The following RNLS variants were observed in gnomAD, a reference collection of about 807,000 sequenced individuals.
The protein encoded by RNLS is renalase, FAD dependent amine oxidase.
In RNLS, 39 loss-of-function variants were observed where a neutral mutation model predicts 39.8. The observed-to-expected ratio is 0.98, with a 90% CI of 0.76 to 1.28. The LOEUF (loss-of-function observed/expected upper bound fraction) is 1.28, where lower values mean the gene tolerates loss of function less well. RNLS is among the 50% of genes most tolerant of loss of function. The pLI is 0.00. For synonymous variants in RNLS, 147 were observed against 150.7 expected, an observed-to-expected ratio of 0.98 and a Z score of 0.18; for missense variants, 410 against 413.3, an observed-to-expected ratio of 0.99 and a Z score of 0.07.
chr10:88,246,070 C>G, the RNLS span, among the ~76,000 whole-genome samples: 1 of 152,194 alleles, frequency 6.6e-6, no homozygotes. Context: ...GAGCTAATAG[C>G]GTGCCTCTGT....
At chr10:88,171,815 G>A in the RNLS span, among the ~76,000 whole-genome samples, 1 of 152,080 alleles carries the variant, frequency 6.6e-6, no homozygotes, top group Non-Finnish European at 1.5e-5. Context: ...TTTCATGTCT[G>A]TTAACCAGCT....
Position 88,344,040 on chromosome 10 carries a change from C to T in RNLS, c.700+18512G>A, listed in dbSNP as rs148310680. Among the ~76,000 whole-genome samples, 1,256 of 152,178 alleles carry T rather than the reference C, an allele frequency of 8.3e-3. 19 individuals are homozygous for T. Among genetic ancestry groups the T allele is most frequent in the South Asian group, 0.03 (143 of 4,820 alleles). On this transcript the variant is annotated intron_variant, in intron 5 of 6. Transcript: ENST00000331772. ...CCTTATTATACATTGTTATTTTGGCCTACTCAGCATTATGCCCTCTATGAA... is the reference window on the plus strand; with the variant it reads ...CCTTATTATACATTGTTATTTTGGCTTACTCAGCATTATGCCCTCTATGAA...
At chr10:88,177,060 A>G in the RNLS span, among the ~76,000 whole-genome samples, 1 of 152,152 alleles carries the variant, frequency 6.6e-6, no homozygotes, top group African/African-American at 2.4e-5. Flanking sequence ...TGTCTCAGAG[A>G]GGTCCTTTGT....
chr10:88,420,435 GA>G (rs1854336174), intron 4 of RNLS, among the ~76,000 whole-genome samples: 1 of 152,198 alleles, frequency 6.6e-6, no homozygotes, highest in Non-Finnish European at 1.5e-5. Context: ...TTGGAAGCCA[GA>G]AGTCCAAACT....
chr10:88,580,064 G>T (rs1189427839), intron 3 of RNLS, among the ~76,000 whole-genome samples: 8 of 152,120 alleles, frequency 5.3e-5, no homozygotes, highest in Non-Finnish European at 2.9e-5. Flanking sequence ...CCTGAGTCTT[G>T]AGCCTGCCAG....
At chr10:88,455,149 C>G (rs987025456) in intron 4 of RNLS, among the ~76,000 whole-genome samples, 6 of 152,002 alleles carry the variant, frequency 3.9e-5, no homozygotes, top group African/African-American at 1.2e-4. Context: ...TACTATGGAG[C>G]CACAGAGAAG....
intron 4 of RNLS, among the ~76,000 whole-genome samples, chr10:88,426,961 G>A (rs1416223558): frequency 6.6e-6 from 1 of 151,958 alleles, no homozygotes; most frequent in East Asian, 1.9e-4. Context: ...ACTTTGTAAT[G>A]GTGGTTAGAA....
chr10:88,477,000 G>A (rs918545530), intron 4 of RNLS, among the ~76,000 whole-genome samples: 5 of 142,620 alleles, frequency 3.5e-5, no homozygotes, highest in East Asian at 2.4e-4. Flanking sequence ...GTAAGAAAGC[G>A]ATAATAGTGT....
At chr10:88,212,279 T>C in the RNLS span, among the ~76,000 whole-genome samples, 24 of 152,354 alleles carry the variant, frequency 1.6e-4, no homozygotes, top group Non-Finnish European at 2.6e-4. Context: ...GAAACCATGT[T>C]GATACATCAT....
At chr10:88,534,109 C>T (rs72820075) in intron 4 of RNLS, among the ~76,000 whole-genome samples, 11,074 of 152,094 alleles carry the variant, frequency 0.073, 580 homozygotes, top group Admixed American at 0.14. Context: ...GGCACTGAAA[C>T]AAGGAAGGCA....
chr10:88,242,393 CATA>C, the RNLS span, among the ~76,000 whole-genome samples: 1 of 152,210 alleles, frequency 6.6e-6, no homozygotes, highest in Admixed American at 6.5e-5. Flanking sequence ...AATCAGGTTG[CATA>C]ATGTTTTCCT....
the RNLS span, among the ~76,000 whole-genome samples, chr10:88,213,665 C>T: frequency 4.4e-4 from 67 of 152,072 alleles, no homozygotes; most frequent in Non-Finnish European, 6.6e-4. Context: ...TGAAGAGATA[C>T]GGCCACAGAG....
intron 4 of RNLS, among the ~76,000 whole-genome samples, chr10:88,400,559 TATC>T (rs1345085052): frequency 6.6e-6 from 1 of 152,080 alleles, no homozygotes; most frequent in Non-Finnish European, 1.5e-5. Context: ...TTTTGAAACA[TATC>T]ATATGACATT....
At chr10:88,270,757 A>AT (rs1320343038), downstream of RNLS, among the ~76,000 whole-genome samples, 1 of 152,154 alleles carries the variant, frequency 6.6e-6, no homozygotes, top group African/African-American at 2.4e-5. Flanking sequence ...CAAAATACTA[A>AT]TAGTTCACCA....
intron 4 of RNLS, among the ~76,000 whole-genome samples, chr10:88,468,736 T>C (rs369935627): frequency 5.3e-5 from 8 of 152,278 alleles, no homozygotes; most frequent in African/African-American, 1.9e-4. Context: ...CAAGGCCTCC[T>C]ATAGGTAAGA....
At chr10:88,203,346 GTATATATATACGTATGTGTGTGTATATA>G in the RNLS span, among the ~76,000 whole-genome samples, 2,637 of 14,586 alleles carry the variant, frequency 0.18, 1,036 homozygotes, top group African/African-American at 0.25. Context: ...ACACGTATGT[GTATATATATACGTATGTGTGTGTATATA>G]TATATATATA....
intron 4 of RNLS, among the ~76,000 whole-genome samples, chr10:88,503,272 T>C (rs1013219694): frequency 7.2e-5 from 11 of 152,086 alleles, no homozygotes; most frequent in Admixed American, 3.9e-4. Flanking sequence ...TCCCAGCTAC[T>C]TGGGAGGCTG....
At chr10:88,563,194 T>C (rs952401779) in intron 4 of RNLS, among the ~76,000 whole-genome samples, 1 of 152,152 alleles carries the variant, frequency 6.6e-6, no homozygotes, top group Non-Finnish European at 1.5e-5. Flanking sequence ...CAGGAGTTTT[T>C]AATGAAACCT....
chr10:88,335,702 C>T (rs1235368713), intron 5 of RNLS, among the ~76,000 whole-genome samples: 1 of 152,126 alleles, frequency 6.6e-6, no homozygotes, highest in African/African-American at 2.4e-5. Context: ...TTAATTTGTT[C>T]AAAATAACTA....
Sources: gnomAD v4.1 joint callset for allele counts (sites outside exome capture counted in the v4.1 genomes callset) on GRCh38, gnomAD v4.1.1 for gene constraint, MANE v1.5 for transcripts, NCBI Gene and HGNC (gene_info 2026-07-23, HGNC 2026-07-21) for gene names.